The following RGSL1 variants were observed in gnomAD, a reference collection of about 807,000 sequenced individuals.
The protein encoded by RGSL1 is regulator of G protein signaling like 1.
Under a neutral mutation model 124.7 loss-of-function variants are expected in RGSL1, and 97 were observed. The ratio of observed to expected loss-of-function variants is 0.78; its 90% confidence interval spans 0.66 to 0.92. RGSL1 has a LOEUF of 0.92. Among genes scored for constraint, RGSL1 ranks in the 40% least tolerant of loss-of-function variants. The pLI, the probability that RGSL1 is intolerant of heterozygous loss-of-function variation, is 0.00. For missense variants in RGSL1, 1,233 were observed against 1,288.4 expected, an observed-to-expected ratio of 0.96 and a Z score of 0.66; for synonymous variants, 424 against 438.1, an observed-to-expected ratio of 0.97 and a Z score of 0.40.
rs185786957 is a variant in RGSL1 at position 182,552,330 on chromosome 1, G to A, written c.3043+1121G>A. Among the ~76,000 whole-genome samples, 309 of 152,146 alleles carry A rather than the reference G, an allele frequency of 2.0e-3. 4 individuals carry two copies. Among genetic ancestry groups the A allele is most frequent in the Admixed American group, 3.4e-3 (52 of 15,286 alleles). ...GGGGTTTCACCATGTTAGCCAGGAT[G>A]GTCTCGATCTCCTGACCTTGTGATC... On this transcript the variant is annotated intron_variant, in intron 18 of 21. Transcript: ENST00000294854.
chr1:182,480,087 G>A (rs555161110), intron 6 of RGSL1, among the ~76,000 whole-genome samples: 5 of 151,984 alleles, frequency 3.3e-5, no homozygotes, highest in Non-Finnish European at 5.9e-5. Flanking sequence ...TACATCATAC[G>A]GACAGAAAAT....
chr1:182,457,195 A>C (rs1652414605), intron 2 of RGSL1, among the ~76,000 whole-genome samples: 1 of 152,154 alleles, frequency 6.6e-6, no homozygotes, highest in Non-Finnish European at 1.5e-5. Context: ...CTAAGATCAC[A>C]CAGTGAATCT....
chr1:182,476,869 C>T (rs1366543478), intron 6 of RGSL1, among the ~76,000 whole-genome samples: 1 of 152,168 alleles, frequency 6.6e-6, no homozygotes, highest in Admixed American at 6.5e-5. Flanking sequence ...CAGATAACTG[C>T]ATGGCTTAGT....
chr1:182,554,895 G>T lies in RGSL1; in HGVS notation c.3197+202G>T. On this transcript the variant is annotated intron_variant, in intron 20 of 21. Transcript: ENST00000294854. ...GGGGGTCCTTTCTCACCTCCAACTA[G>T]GACAGGCACTTTTAAGAAGTTGGAG... 3.5e-6 allele frequency: 2 copies of T among 567,582 alleles called. 1 individual carries two copies. Among genetic ancestry groups the T allele is most frequent in the South Asian group, 4.5e-5 (2 of 44,086 alleles). 35.2% of individuals were successfully genotyped at this position (567,582 alleles called of 1,614,324 possible).
chr1:182,474,598 T>C lies in RGSL1; in HGVS notation c.1431+56T>C, dbSNP rs961051263. 5 of 1,476,026 alleles carry C rather than the reference T, an allele frequency of 3.4e-6. No homozygotes were observed. The African/African-American group carries it at 5.7e-5, about 17-fold the overall frequency. The allele number at this position is 1,476,026 out of a possible 1,614,324, so 91.4% of individuals were successfully genotyped here. On this transcript the variant is annotated intron_variant, in intron 6 of 21. Coordinates refer to ENST00000294854, the MANE Select transcript of RGSL1 (RefSeq NM_001137669.2). Reference sequence around the variant, plus strand: ...TCTGGCAAATTAGGTCAAAACTGACTAAAAATCCCATCTGGTCACCTATAC... The same window carrying C: ...TCTGGCAAATTAGGTCAAAACTGACCAAAAATCCCATCTGGTCACCTATAC...
intron 7 of RGSL1, 197 bp downstream of exon 7, chr1:182,488,544 G>A (rs1571552039): frequency 1.8e-6 from 1 of 557,700 alleles, no homozygotes; most frequent in East Asian, 3.3e-5. Context: ...GATGACTTTG[G>A]TGAAACCCCG....
intron 9 of RGSL1, among the ~76,000 whole-genome samples, chr1:182,506,770 C>T (rs1460453634): frequency 6.6e-6 from 1 of 152,032 alleles, no homozygotes; most frequent in African/African-American, 2.4e-5. Flanking sequence ...TTAACTGCTG[C>T]TGTAATAGAT....
intron 1 of RGSL1, chr1:182,453,477 T>G (rs1404016809): frequency 6.5e-6 from 1 of 154,562 alleles, no homozygotes; most frequent in African/African-American, 2.4e-5. Flanking sequence ...CTCCAGCCAA[T>G]GAGAGAACCA....
At chr1:182,538,401 G>A (rs966031967) in intron 14 of RGSL1, among the ~76,000 whole-genome samples, 15 of 151,982 alleles carry the variant, frequency 9.9e-5, no homozygotes, top group African/African-American at 2.4e-4. Context: ...GGTGGCACAC[G>A]CCTGTAATCC....
intron 9 of RGSL1, among the ~76,000 whole-genome samples, chr1:182,500,419 T>C (rs1029131359): frequency 6.6e-6 from 1 of 152,250 alleles, no homozygotes; most frequent in Non-Finnish European, 1.5e-5. Flanking sequence ...CTGTGTTTTA[T>C]AGTAAGTTTT....
chr1:182,481,734 G>C (rs1193448644), intron 6 of RGSL1, among the ~76,000 whole-genome samples: 1 of 137,048 alleles, frequency 7.3e-6, no homozygotes, highest in Non-Finnish European at 1.5e-5. Flanking sequence ...TGTAACCCCA[G>C]CACTTTGCGA....
At chr1:182,462,128 C>T (rs1652893054) in intron 4 of RGSL1, among the ~76,000 whole-genome samples, 1 of 152,040 alleles carries the variant, frequency 6.6e-6, no homozygotes, top group Non-Finnish European at 1.5e-5. Flanking sequence ...AGAAATTATT[C>T]ATCACTTTAC....
Position 182,551,105 on chromosome 1 carries a change from G to T in RGSL1, c.2939G>T (p.Cys980Phe), listed in dbSNP as rs1341273956. ...PVVMYFWKRF[C>F]FWKATRSYLQ... The stretch of plus-strand genomic sequence containing the variant: ...AGAAGCCATTCTTCCCACAGGTTTT[G>T]TTTCTGGAAGGCAACCCGCTCTTAC... The change falls in exon 18 of 22, where the codon TGT becomes TTT. Residue 980 changes from cysteine to phenylalanine, a missense_variant. Transcript: ENST00000294854. 4 of 1,551,470 alleles carry T rather than the reference G, an allele frequency of 2.6e-6. No homozygotes were observed. Among genetic ancestry groups the T allele is most frequent in the Non-Finnish European group, 1.7e-6 (2 of 1,146,760 alleles).
At chr1:182,513,720 C>A (rs1009237386) in intron 9 of RGSL1, among the ~76,000 whole-genome samples, 1 of 152,150 alleles carries the variant, frequency 6.6e-6, no homozygotes, top group Admixed American at 6.5e-5. Context: ...AAAGTACTAT[C>A]TGGTCCCAGG....
chr1:182,454,755 TTCCTTAA>T (rs1652158938), intron 2 of RGSL1, among the ~76,000 whole-genome samples: 1 of 152,186 alleles, frequency 6.6e-6, no homozygotes, highest in Non-Finnish European at 1.5e-5. Flanking sequence ...ACCTATCTAT[TTCCTTAA>T]TCTATGCAAC....
chr1:182,554,513 C>T (rs1660748444), intron 19 of RGSL1, 114 bp from the exon 20 acceptor site: 2 of 819,572 alleles, frequency 2.4e-6, no homozygotes, highest in Admixed American at 4.0e-5. Context: ...CCAACCCCTA[C>T]ATTGGAGGTG....
At chr1:182,461,719 C>G (rs572051990) in intron 4 of RGSL1, among the ~76,000 whole-genome samples, 25 of 151,892 alleles carry the variant, frequency 1.6e-4, no homozygotes, top group Middle Eastern at 3.2e-3. Context: ...AATGAAAATT[C>G]TACTAGAAAG....
chr1:182,458,258 T>C (rs1652512914), intron 2 of RGSL1, 61 bp from the exon 3 acceptor site: 2 of 1,238,704 alleles, frequency 1.6e-6, no homozygotes, highest in African/African-American at 3.0e-5. Context: ...GTAGAGGGAC[T>C]GTGTCATATA....
intron 10 of RGSL1, among the ~76,000 whole-genome samples, chr1:182,526,581 G>A (rs1391229198): frequency 6.6e-6 from 1 of 152,120 alleles, no homozygotes; most frequent in African/African-American, 2.4e-5. Flanking sequence ...GCTAAGCAGG[G>A]AGATCACTTG....
Sources: gnomAD v4.1 joint callset for allele counts (sites outside exome capture counted in the v4.1 genomes callset) on GRCh38, gnomAD v4.1.1 for gene constraint, MANE v1.5 for transcripts, NCBI Gene and HGNC (gene_info 2026-07-23, HGNC 2026-07-21) for gene names.